FAM135B: variants seen among roughly 807,000 people sequenced by gnomAD.
FAM135B encodes the protein protein FAM135B.
A neutral mutation model predicts 127.7 loss-of-function variants in FAM135B; 43 were observed. The observed-to-expected ratio is 0.34, with a 90% CI of 0.26 to 0.43. The LOEUF (loss-of-function observed/expected upper bound fraction) is 0.43, where lower values mean the gene tolerates loss of function less well. Among genes scored for constraint, FAM135B ranks in the 20% least tolerant of loss-of-function variants. The pLI is 1.00. For missense variants in FAM135B, 1,558 were observed against 1,725.6 expected, an observed-to-expected ratio of 0.90 and a Z score of 1.72; for synonymous variants, 670 against 665.1, an observed-to-expected ratio of 1.01 and a Z score of -0.11.
chr8:138,344,462 C>T (rs1829264445), intron 2 of FAM135B, among the ~76,000 whole-genome samples: 1 of 152,172 alleles, frequency 6.6e-6, no homozygotes, highest in Admixed American at 6.5e-5. Context: ...CTCCCACCTG[C>T]GCTTGGCTAT....
chr8:138,485,745 G>C (rs1814959725), intron 1 of FAM135B, among the ~76,000 whole-genome samples: 1 of 152,104 alleles, frequency 6.6e-6, no homozygotes, highest in Non-Finnish European at 1.5e-5. Flanking sequence ...TTATAAAAAA[G>C]AGGGCTAAAG....
At chr8:138,380,051 G>A (rs146540108) in intron 1 of FAM135B, among the ~76,000 whole-genome samples, 2 of 152,202 alleles carry the variant, frequency 1.3e-5, no homozygotes, top group East Asian at 3.9e-4. Context: ...TTTGCAGAAC[G>A]GCAGTGCACC....
intron 11 of FAM135B, among the ~76,000 whole-genome samples, chr8:138,176,636 C>A (rs571787524): frequency 6.6e-6 from 1 of 152,210 alleles, no homozygotes; most frequent in Non-Finnish European, 1.5e-5. Flanking sequence ...AAAGTCTCCA[C>A]GTCCATCTTG....
At chr8:138,342,027 C>T (rs548090979) in intron 2 of FAM135B, among the ~76,000 whole-genome samples, 1 of 152,306 alleles carries the variant, frequency 6.6e-6, no homozygotes, top group South Asian at 2.1e-4. Flanking sequence ...AAGCACTCTG[C>T]CAATCATTTA....
At chr8:138,268,329 G>A (rs938688992) in intron 3 of FAM135B, among the ~76,000 whole-genome samples, 1 of 152,162 alleles carries the variant, frequency 6.6e-6, no homozygotes, top group Non-Finnish European at 1.5e-5. Flanking sequence ...TTTTATGGGA[G>A]ATTAAGCGCC....
intron 10 of FAM135B, among the ~76,000 whole-genome samples, chr8:138,177,643 T>A (rs1381586893): frequency 6.6e-6 from 1 of 152,216 alleles, no homozygotes; most frequent in African/African-American, 2.4e-5. Context: ...CACACGTGAA[T>A]GCAGTCTATG....
intron 1 of FAM135B, among the ~76,000 whole-genome samples, chr8:138,409,302 G>A (rs534198856): frequency 3.3e-5 from 5 of 152,176 alleles, no homozygotes; most frequent in South Asian, 2.1e-4. Flanking sequence ...GAACACACAC[G>A]ACATTTATCA....
At chr8:138,489,034 A>G (rs1278844919) in intron 1 of FAM135B, among the ~76,000 whole-genome samples, 4 of 151,910 alleles carry the variant, frequency 2.6e-5, no homozygotes, top group African/African-American at 4.8e-5. Context: ...TGCTTCCTCT[A>G]CCTCTATACT....
At position 138,178,564 on chromosome 8, in the gene FAM135B, A is replaced by T. The variant is rs761466416; in HGVS notation, c.1000T>A (p.Tyr334Asn). 2 of 1,614,012 alleles carry T rather than the reference A, an allele frequency of 1.2e-6. No homozygotes were observed. The highest frequency in any genetic ancestry group is 1.7e-6 in the Non-Finnish European group (2 of 1,180,026). Residue 334 changes from tyrosine (Y) to asparagine (N), a missense_variant, in exon 10 of 20, where the codon TAT becomes AAT. Tyr to Asn is a moderately radical substitution (Grantham distance 143). Around this residue, in one of 5 missense-constraint regions of FAM135B, gnomAD observed 115 missense variants for 171.1 expected, o/e 0.67. Transcript: ENST00000395297. ...AGGGTGTGGTGTTCCTGGGTGAGAT[A>T]AGTGGTCACTTGGGAGTGCAGAGTG... ...TVTLHSQVTT[Y>N]LTQEHHTLRV...
At chr8:138,274,927 C>CAT (rs36090199) in intron 3 of FAM135B, among the ~76,000 whole-genome samples, 147,314 of 151,862 alleles carry the variant, frequency 0.97, 71,590 homozygotes, top group East Asian at 1. Flanking sequence ...CTCAAACACA[C>CAT]GATGTACAAT....
intron 1 of FAM135B, among the ~76,000 whole-genome samples, chr8:138,422,871 C>G (rs1374102939): frequency 6.6e-6 from 1 of 152,168 alleles, no homozygotes; most frequent in South Asian, 2.1e-4. Context: ...ACATACATAT[C>G]CATTAACAGT....
intron 1 of FAM135B, among the ~76,000 whole-genome samples, chr8:138,453,764 A>C (rs531466736): frequency 2.2e-4 from 34 of 152,272 alleles, no homozygotes; most frequent in African/African-American, 7.7e-4. Context: ...TTCAAATCTC[A>C]GCACCTTACA....
At chr8:138,222,676 G>GT (rs1783140288) in intron 7 of FAM135B, among the ~76,000 whole-genome samples, 2 of 115,650 alleles carry the variant, frequency 1.7e-5, no homozygotes, top group East Asian at 4.3e-4. Flanking sequence ...TTTGTTGGTG[G>GT]TGTTTTTTTT....
chr8:138,337,794 T>G (rs949662767), intron 2 of FAM135B, among the ~76,000 whole-genome samples: 1 of 152,180 alleles, frequency 6.6e-6, no homozygotes, highest in Non-Finnish European at 1.5e-5. Context: ...AGAGCCCGCA[T>G]TGCCAAATCA....
chr8:138,314,693 C>CAATAAATAAATAAATA (rs1402271667), intron 2 of FAM135B, among the ~76,000 whole-genome samples: 27,529 of 119,974 alleles, frequency 0.23, 3,565 homozygotes, highest in African/African-American at 0.29. Flanking sequence ...CCCATCCCTA[C>CAATAAATAAATAAATA]AATAAATAAA....
At position 138,336,449 on chromosome 8, in the gene FAM135B, A is replaced by C. The variant is rs1190833398; in HGVS notation, c.78-25529T>G. On this transcript the variant is annotated intron_variant, in intron 2 of 19. Transcript: ENST00000395297. ...TATCACCACTGATCCCACAGAAATA[A>C]AAACTACCATCAGAGAATACTATAA... 7.9e-5 allele frequency among the ~76,000 whole-genome samples: 12 copies of C among 152,264 alleles called. 1 individual carries two copies. In the South Asian group the frequency reaches 1.2e-3, roughly 16 times the overall value.
rs75122402 is a variant in FAM135B, at chr8:138,172,743, A to C, written c.1103+4604T>G. ...AGGAAGGGAAGGAGAAAGGGAGCTG[A>C]GTAAATAAATACATTAGCAACTAAG... is the stretch of plus-strand genomic sequence containing the variant. On this transcript the variant is annotated intron_variant, in intron 11 of 19. Transcript: ENST00000395297. Among the ~76,000 whole-genome samples the C allele has an allele frequency of 6.5e-3, 990 of 152,368 alleles. 5 individuals are homozygous for C. The highest frequency in any genetic ancestry group is 0.01 in the Middle Eastern group (3 of 294).
chr8:138,185,570 AGG>A (rs1353138324), intron 9 of FAM135B, among the ~76,000 whole-genome samples: 1 of 152,204 alleles, frequency 6.6e-6, no homozygotes, highest in African/African-American at 2.4e-5. Flanking sequence ...CCAACAAAAC[AGG>A]CTGCCCACAG....
chr8:138,163,543 C>G (rs114946223), intron 12 of FAM135B, among the ~76,000 whole-genome samples: 6 of 152,066 alleles, frequency 3.9e-5, no homozygotes, highest in African/African-American at 1.4e-4. Context: ...TTCTCGTGCT[C>G]GTGAATACAC....
Sources: allele counts gnomAD v4.1 joint callset (sites outside exome capture counted in the v4.1 genomes callset), GRCh38; gene constraint gnomAD v4.1.1; regional missense constraint gnomAD v4.1.1; transcripts MANE v1.5; gene names NCBI Gene and HGNC (gene_info 2026-07-23, HGNC 2026-07-21).